Variants in SLC14A2 observed in about 807,000 individuals in gnomAD.
SLC14A2 encodes urea transporter 2.
SLC14A2 carries 91 observed loss-of-function variants against 104.6 expected under a neutral mutation model. That is an observed-to-expected ratio of 0.87 (90% CI 0.73 to 1.04). The LOEUF is 1.04. Among genes scored for constraint, SLC14A2 ranks in the 50% least tolerant of loss-of-function variants. SLC14A2 has a pLI of 0.00. For synonymous variants in SLC14A2, 476 were observed against 466.4 expected, an observed-to-expected ratio of 1.02 and a Z score of -0.27; for missense variants, 1,189 against 1,156.0, an observed-to-expected ratio of 1.03 and a Z score of -0.41.
chr18:45,549,479 C>A (rs192136552), intron 2 of SLC14A2, among the ~76,000 whole-genome samples: 19 of 152,294 alleles, frequency 1.2e-4, no homozygotes, highest in African/African-American at 4.6e-4. Flanking sequence ...CTTGTTCAAG[C>A]GCACTTGTGA....
intron 1 of SLC14A2, among the ~76,000 whole-genome samples, chr18:45,373,710 T>C (rs1221307641): frequency 6.6e-6 from 1 of 151,920 alleles, no homozygotes; most frequent in Admixed American, 6.6e-5. Flanking sequence ...TGAGGAAGAG[T>C]ATAGTGTAGT....
intron 1 of SLC14A2, among the ~76,000 whole-genome samples, chr18:45,316,357 T>C (rs2085129208): frequency 6.6e-6 from 1 of 151,638 alleles, no homozygotes; most frequent in Admixed American, 6.6e-5. Context: ...GCATCAGAGG[T>C]TGAGATAAAG....
chr18:45,615,853 G>C (rs2045061449), intron 1 of SLC14A2, among the ~76,000 whole-genome samples: 4 of 151,888 alleles, frequency 2.6e-5, no homozygotes, highest in South Asian at 2.1e-4. Flanking sequence ...GAGAGAGAGA[G>C]AGAGAGGGAG....
intron 1 of SLC14A2, among the ~76,000 whole-genome samples, chr18:45,357,147 G>C (rs1276226488): frequency 6.6e-6 from 1 of 152,084 alleles, no homozygotes; most frequent in Non-Finnish European, 1.5e-5. Context: ...GGGGGACCAG[G>C]AGGAGTGGCT....
chr18:45,405,105 C>T (rs538046255), intron 1 of SLC14A2, among the ~76,000 whole-genome samples: 1 of 152,228 alleles, frequency 6.6e-6, no homozygotes, highest in South Asian at 2.1e-4. Flanking sequence ...ACGTGCTTAC[C>T]TTGAAAGAAG....
At chr18:45,222,158 C>T (rs1281665081) in intron 1 of SLC14A2, among the ~76,000 whole-genome samples, 1 of 152,154 alleles carries the variant, frequency 6.6e-6, no homozygotes, top group African/African-American at 2.4e-5. Flanking sequence ...GGCTATAAAC[C>T]TTTTCTTTGG....
chr18:45,615,710 T>C (rs907776196), intron 1 of SLC14A2, 128 bp downstream of exon 1: 2 of 152,046 alleles, frequency 1.3e-5, no homozygotes, highest in African/African-American at 4.8e-5. Flanking sequence ...GTATTCTGTC[T>C]CCACTGTGCC....
At position 45,266,686 on chromosome 18, in the gene SLC14A2, G is replaced by A. The variant is rs189583332; in HGVS notation, c.-125+53495G>A. ...GTTGGTATGTGGCAGTTCTCTGGGT[G>A]CCAATCACCCTTTGCAGACACATTG... On this transcript the variant is annotated intron_variant, in intron 1 of 20. Transcript: ENST00000586448. 1.3e-3 allele frequency among the ~76,000 whole-genome samples: 201 copies of A among 152,226 alleles called. No individual in the cohort carries two copies. The Middle Eastern group carries it at 0.014, about 10-fold the overall frequency.
chr18:45,469,197 G>T (rs1169622621), intron 1 of SLC14A2, among the ~76,000 whole-genome samples: 1 of 152,246 alleles, frequency 6.6e-6, no homozygotes, highest in African/African-American at 2.4e-5. Context: ...AGGATGGTCA[G>T]TGTGGATGGA....
At chr18:45,385,019 T>C (rs1188757329) in intron 1 of SLC14A2, among the ~76,000 whole-genome samples, 1 of 152,126 alleles carries the variant, frequency 6.6e-6, no homozygotes, top group Non-Finnish European at 1.5e-5. Context: ...CAAAATGGGA[T>C]AGTTGGATGT....
intron 1 of SLC14A2, among the ~76,000 whole-genome samples, chr18:45,308,939 T>C (rs2085050908): frequency 6.6e-6 from 1 of 152,128 alleles, no homozygotes; most frequent in Admixed American, 6.5e-5. Flanking sequence ...TTTTGGAAAG[T>C]ACTGGGACTA....
intron 1 of SLC14A2, among the ~76,000 whole-genome samples, chr18:45,337,216 G>A (rs1394153415): frequency 1.3e-5 from 2 of 151,958 alleles, no homozygotes; most frequent in Non-Finnish European, 2.9e-5. Flanking sequence ...ATGAAGGAGG[G>A]TCAATTTGGT....
In SLC14A2 at chr18:45,490,933, CTA is replaced by C. The variant is rs577650454; in HGVS notation, c.-35+7613_-35+7614del. Among the ~76,000 whole-genome samples, 12 of 152,274 alleles carry C rather than the reference CTA, an allele frequency of 7.9e-5. 1 individual carries two copies. In the South Asian group the frequency reaches 2.1e-3, roughly 26 times the overall value. On this transcript the variant is annotated intron_variant, in intron 2 of 20. Transcript: ENST00000586448. ...AAAGCAAATAGATAGCATTTCACAC[CTA>C]TTCAACTGTCAAAAATTGAAAGGTT... is the stretch of plus-strand genomic sequence containing the variant.
chr18:45,309,581 C>T (rs1028771885), intron 1 of SLC14A2, among the ~76,000 whole-genome samples: 5 of 152,178 alleles, frequency 3.3e-5, no homozygotes, highest in African/African-American at 1.2e-4. Flanking sequence ...GGTGGAAAGT[C>T]ACTCCTTGTC....
chr18:45,228,498 C>T (rs1355726535), intron 1 of SLC14A2, among the ~76,000 whole-genome samples: 2 of 152,124 alleles, frequency 1.3e-5, no homozygotes, highest in Admixed American at 1.3e-4. Context: ...ATTGTAGTCT[C>T]TGGGTGACAC....
intron 1 of SLC14A2, among the ~76,000 whole-genome samples, chr18:45,431,195 C>T (rs1423714787): frequency 6.6e-6 from 1 of 152,054 alleles, no homozygotes; most frequent in Non-Finnish European, 1.5e-5. Flanking sequence ...CCTAAGTGAC[C>T]ATTGGACTCT....
intron 1 of SLC14A2, among the ~76,000 whole-genome samples, chr18:45,432,097 T>G (rs956304155): frequency 2.0e-5 from 3 of 152,188 alleles, no homozygotes; most frequent in Non-Finnish European, 4.4e-5. Flanking sequence ...CGTTTGAATA[T>G]TTGTTCTTAG....
the SLC14A2 span, among the ~76,000 whole-genome samples, chr18:45,202,260 GA>G: frequency 6.6e-6 from 1 of 152,124 alleles, no homozygotes; most frequent in Admixed American, 6.6e-5. Context: ...ACAGCATGCT[GA>G]GCCTTTGGAA....
intron 1 of SLC14A2, among the ~76,000 whole-genome samples, chr18:45,439,058 G>C (rs1257169967): frequency 6.6e-6 from 1 of 152,170 alleles, no homozygotes; most frequent in African/African-American, 2.4e-5. Flanking sequence ...TCCAAGAAGG[G>C]AGGATCACTT....
Sources: gnomAD v4.1 joint callset for allele counts (sites outside exome capture counted in the v4.1 genomes callset) on GRCh38, gnomAD v4.1.1 for gene constraint, MANE v1.5 for transcripts, NCBI Gene and HGNC (gene_info 2026-07-23, HGNC 2026-07-21) for gene names.